Variants in SMYD2 observed in about 807,000 individuals in gnomAD.
SMYD2 encodes N-lysine methyltransferase SMYD2.
Under a neutral mutation model 59.1 loss-of-function variants are expected in SMYD2, and 53 were observed. That is an observed-to-expected ratio of 0.90 (90% CI 0.72 to 1.13). The LOEUF (loss-of-function observed/expected upper bound fraction) is 1.13, where lower values mean the gene tolerates loss of function less well. SMYD2 is among the 50% of genes most tolerant of loss of function. SMYD2 has a pLI of 0.00. For missense variants in SMYD2, 494 were observed against 544.7 expected, an observed-to-expected ratio of 0.91 and a Z score of 0.93; for synonymous variants, 208 against 198.8, an observed-to-expected ratio of 1.05 and a Z score of -0.39.
At chr1:214,298,770 C>T (rs796715419) in intron 1 of SMYD2, among the ~76,000 whole-genome samples, 4 of 152,302 alleles carry the variant, frequency 2.6e-5, no homozygotes, top group African/African-American at 9.6e-5. Context: ...AAATGTTCAA[C>T]ATCACTAATC....
rs1657115539 is a variant in SMYD2 at position 214,318,223 on chromosome 1, A to G, written c.409+84A>G. On this transcript the variant is annotated intron_variant, in intron 4 of 11. Coordinates refer to ENST00000366957, the MANE Select transcript of SMYD2 (RefSeq NM_020197.3). This position sits in a 1 kb window ranked among gnomAD's most constrained non-coding sequence, Gnocchi z 5.4. ...GGCAGGATTGAAGCGAGGACGGGCT[A>G]GTTTGTGCTCAGAGGAGTAGTGATT... 1 of 1,303,462 alleles carries G rather than the reference A, an allele frequency of 7.7e-7. No individual in the cohort carries two copies. Among genetic ancestry groups the G allele is most frequent in the South Asian group, 1.3e-5 (1 of 79,752 alleles). 80.7% of individuals were successfully genotyped at this position (1,303,462 alleles called of 1,614,324 possible).
intron 7 of SMYD2, among the ~76,000 whole-genome samples, chr1:214,329,470 G>A (rs1657315271): frequency 6.6e-6 from 1 of 152,194 alleles, no homozygotes; most frequent in Admixed American, 6.5e-5. Context: ...TCCTCCATAT[G>A]CTCCAAGCCT....
rs1034647614 is a variant in SMYD2, at chr1:214,306,526, C to CT, written c.237+1277dup. Among the ~76,000 whole-genome samples the CT allele has an allele frequency of 4.3e-4, 66 of 152,324 alleles. 1 individual carries two copies. The highest frequency in any genetic ancestry group is 1.5e-3 in the African/African-American group (63 of 41,568). The stretch of plus-strand genomic sequence containing the variant: ...CAGCAGGCTCCCGGAGGCTGTCAGC[C>CT]TGTGTGGCAGTGAGAATATAAATGG... On this transcript the variant is annotated intron_variant, in intron 2 of 11. Coordinates refer to ENST00000366957, the MANE Select transcript of SMYD2 (RefSeq NM_020197.3).
intron 11 of SMYD2, among the ~76,000 whole-genome samples, chr1:214,335,963 G>C (rs553069717): frequency 6.6e-6 from 1 of 152,122 alleles, no homozygotes; most frequent in African/African-American, 2.4e-5. Context: ...GTTTAGCTAC[G>C]TCTTGCAGGT....
chr1:214,302,848 C>G (rs1044157932), intron 1 of SMYD2, among the ~76,000 whole-genome samples: 1 of 152,106 alleles, frequency 6.6e-6, no homozygotes, highest in Admixed American at 6.6e-5. Flanking sequence ...CTGTATTAAT[C>G]CTTGCTTTTT....
chr1:214,335,579 A>G (rs181571552), intron 11 of SMYD2, among the ~76,000 whole-genome samples: 2 of 152,354 alleles, frequency 1.3e-5, no homozygotes, highest in Non-Finnish European at 2.9e-5. Context: ...CTCTGGGGGA[A>G]TACTTTTTTC....
Position 214,334,220 on chromosome 1 carries a change from C to T in SMYD2, c.1133C>T (p.Ser378Phe). ...KPYSKHYPLYSLNVASMWLKL... is the reference protein window; with the variant it reads ...KPYSKHYPLYFLNVASMWLKL... The stretch of plus-strand genomic sequence containing the variant: ...TCTAGTAAGCACTATCCTTTGTACT[C>T]CCTCAACGTGGCCTCCATGTGGTTG... The change falls in exon 11 of 12, where the codon TCC becomes TTC. Residue 378 changes from serine (S) to phenylalanine (F), a missense_variant. Transcript: ENST00000366957. 1 of 1,613,948 alleles carries T rather than the reference C, an allele frequency of 6.2e-7. No individual in the cohort carries two copies. Among genetic ancestry groups the T allele is most frequent in the Non-Finnish European group, 8.5e-7 (1 of 1,179,982 alleles).
intron 1 of SMYD2, among the ~76,000 whole-genome samples, chr1:214,301,427 T>G (rs1656821571): frequency 6.6e-6 from 1 of 152,190 alleles, no homozygotes; most frequent in African/African-American, 2.4e-5. Context: ...TTTTTTGCTT[T>G]TAAAACAGTG....
At chr1:214,311,697 A>G (rs1657001260) in intron 2 of SMYD2, among the ~76,000 whole-genome samples, 2 of 152,104 alleles carry the variant, frequency 1.3e-5, no homozygotes, top group African/African-American at 2.4e-5. Flanking sequence ...TTTTAAATCA[A>G]CTACATTAAT....
chr1:214,288,734 A>G (rs1380846309), intron 1 of SMYD2, among the ~76,000 whole-genome samples: 1 of 152,232 alleles, frequency 6.6e-6, no homozygotes, highest in Non-Finnish European at 1.5e-5. Context: ...TGAAATTTGC[A>G]TAAGAGCTAC....
chr1:214,283,916 G>A (rs1036725310), intron 1 of SMYD2, among the ~76,000 whole-genome samples: 1 of 152,142 alleles, frequency 6.6e-6, no homozygotes, highest in African/African-American at 2.4e-5. Flanking sequence ...AAAGAAAAGT[G>A]ATTTCTTTAG....
At chr1:214,294,307 G>C (rs1317978062) in intron 1 of SMYD2, among the ~76,000 whole-genome samples, 1 of 152,176 alleles carries the variant, frequency 6.6e-6, no homozygotes. Context: ...TTTGTTTGCA[G>C]GAAAATAAAA....
chr1:214,289,224 C>G (rs749155846), intron 1 of SMYD2, among the ~76,000 whole-genome samples: 1 of 152,134 alleles, frequency 6.6e-6, no homozygotes, highest in African/African-American at 2.4e-5. Context: ...AAAATTGTCT[C>G]TTTTAGGATT....
chr1:214,308,988 A>G (rs1479876742), intron 2 of SMYD2, among the ~76,000 whole-genome samples: 2 of 151,998 alleles, frequency 1.3e-5, no homozygotes, highest in African/African-American at 4.8e-5. Context: ...TTGGCCAGAC[A>G]CCTCTCCAAG....
At chr1:214,331,170 T>G (rs1269798287) in intron 9 of SMYD2, 100 bp downstream of exon 9, 2 of 1,540,994 alleles carry the variant, frequency 1.3e-6, no homozygotes, top group Admixed American at 3.7e-5. Context: ...TTTAAGATTC[T>G]GAAAACCAAA....
chr1:214,291,786 T>C (rs1656640008), intron 1 of SMYD2, among the ~76,000 whole-genome samples: 1 of 152,106 alleles, frequency 6.6e-6, no homozygotes, highest in Non-Finnish European at 1.5e-5. Flanking sequence ...CAGATACTAC[T>C]TAGGTCCAAT....
In SMYD2 at chr1:214,281,289, T is replaced by C. The variant is rs781433570; in HGVS notation, c.35T>C (p.Phe12Ser). The change falls in exon 1 of 12, where the codon TTC becomes TCC. Residue 12 changes from phenylalanine to serine, a missense_variant. Transcript: ENST00000366957. The part of the protein sequence containing the change: ...RAEGLGGLER[F>S]CSPGKGRGLR... ...GAGGGCCTCGGCGGCCTGGAGCGCT[T>C]CTGCAGCCCGGGCAAAGGCCGGGGG... 1.5e-6 allele frequency: 2 copies of C among 1,342,724 alleles called. No individual in the cohort carries two copies. The highest frequency in any genetic ancestry group is 2.1e-5 in the South Asian group (1 of 46,742). 83.2% of individuals were successfully genotyped at this position (1,342,724 alleles called of 1,614,324 possible).
At position 214,330,225 on chromosome 1, in the gene SMYD2, A is replaced by C; in HGVS notation, c.763A>C (p.Arg255=). 6.2e-7 allele frequency: 1 copy of C among 1,613,516 alleles called. No individual in the cohort carries two copies. The highest frequency in any genetic ancestry group is 8.5e-7 in the Non-Finnish European group (1 of 1,179,556). Residue 255 remains arginine (R), a synonymous_variant, in exon 8 of 12, where the codon AGA becomes CGA. Transcript: ENST00000366957. ...AACGGAAGATAGAAATGACCGGTTAAGAGATTCTTATTTCTTTACCTGTGA... is the reference window on the plus strand; with the variant it reads ...AACGGAAGATAGAAATGACCGGTTACGAGATTCTTATTTCTTTACCTGTGA... ...YPTEDRNDRL[R]DSYFFTCECQ...
chr1:214,304,430 A>G (rs1475789333), intron 1 of SMYD2, among the ~76,000 whole-genome samples: 3 of 152,020 alleles, frequency 2.0e-5, no homozygotes, highest in Non-Finnish European at 2.9e-5. Context: ...ATGGTGGCAC[A>G]TGCCCTATAG....
Sources: gnomAD v4.1 joint callset for allele counts (sites outside exome capture counted in the v4.1 genomes callset) on GRCh38, gnomAD v4.1.1 for gene constraint, Gnocchi (gnomAD v3.1) non-coding constraint, MANE v1.5 for transcripts, NCBI Gene and HGNC (gene_info 2026-07-23, HGNC 2026-07-21) for gene names.